The following CCNJL variants were observed in gnomAD, a reference collection of about 807,000 sequenced individuals.
CCNJL encodes the protein cyclin J like, also known as cyclin-J-like protein.
CCNJL carries 33 observed loss-of-function variants against 33.4 expected under a neutral mutation model. The ratio of observed to expected loss-of-function variants is 0.99; its 90% CI spans 0.75 to 1.32. The LOEUF (loss-of-function observed/expected upper bound fraction) is 1.32, where lower values mean the gene tolerates loss of function less well. CCNJL is among the 40% of genes most tolerant of loss of function. The probability of loss-of-function intolerance (pLI) is 0.00; values close to 1 mark genes in which losing one functional copy is unlikely to be tolerated. For synonymous variants in CCNJL, 227 were observed against 220.9 expected (o/e 1.03, Z -0.24); for missense variants, 512 against 499.7 (o/e 1.02, Z -0.23).
intron 2 of CCNJL, among the ~76,000 whole-genome samples, chr5:160,298,509 A>C (rs775034373): frequency 2.0e-5 from 3 of 152,112 alleles, no homozygotes; most frequent in Non-Finnish European, 4.4e-5. Context: ...AGCTGGAGAG[A>C]CCCAGCGCCT....
At chr5:160,315,508 G>GAAAACA (rs1293092175), upstream of CCNJL, 4 of 342,958 alleles carry the variant, frequency 1.2e-5, no homozygotes, top group East Asian at 8.2e-5. Flanking sequence ...CACTGCCTCT[G>GAAAACA]AAAACAAAAA....
chr5:160,280,533 A>C lies in CCNJL; in HGVS notation c.272T>G (p.Leu91Arg). The change falls in exon 3 of 6, where the codon CTG becomes CGG. Residue 91 changes from leucine to arginine, a missense_variant. Physicochemically the swap from Leu to Arg is moderately radical, Grantham distance 102 (BLOSUM62 -2). Coordinates refer to ENST00000257536, the MANE Select transcript of CCNJL (RefSeq NM_001308173.3). ...CGTAGGTTTTCGCTTACTTGCAAGC[A>C]GGAGGCAGGAGACGGCCACGGTGTA... ...QLYTVAVSCL[L>R]LASKFEDRED... 1 of 1,612,534 alleles carries C rather than the reference A, an allele frequency of 6.2e-7. No individual in the cohort carries two copies. The highest frequency in any genetic ancestry group is 1.3e-5 in the African/African-American group (1 of 75,058).
intron 2 of CCNJL, among the ~76,000 whole-genome samples, chr5:160,295,190 A>T (rs1762715394): frequency 6.6e-6 from 1 of 152,232 alleles, no homozygotes; most frequent in Non-Finnish European, 1.5e-5. Context: ...TCAGAATGTG[A>T]CCTTATTTGA....
intron 2 of CCNJL, among the ~76,000 whole-genome samples, chr5:160,282,976 T>TATATAC (rs1762270505): frequency 6.0e-5 from 3 of 49,822 alleles, no homozygotes; most frequent in Non-Finnish European, 1.0e-4. Context: ...AATATATATA[T>TATATAC]ATATATATAT....
At position 160,251,736 on chromosome 5, in the gene CCNJL, C is replaced by T. The variant is rs2113179995; in HGVS notation, c.*1642G>A. 6.6e-6 allele frequency: 1 copy of T among 152,232 alleles called. No homozygotes were observed. Among genetic ancestry groups the T allele is most frequent in the East Asian group, 1.9e-4 (1 of 5,172 alleles). The allele number at this position is 152,232 out of a possible 1,614,324, so 9.4% of individuals were successfully genotyped here. A position where few individuals can be genotyped will look rare whatever the true frequency, so the allele number is the denominator to read the frequency against. ...TGGCTGTGAGGGAACCCTCACAATC[C>T]CCAGGTCCCAGAACAGACAGATACA... On this transcript the variant is annotated 3_prime_UTR_variant, in exon 6 of 6. Transcript: ENST00000257536.
At chr5:160,300,381 C>A (rs1157796697) in intron 2 of CCNJL, among the ~76,000 whole-genome samples, 1 of 152,114 alleles carries the variant, frequency 6.6e-6, no homozygotes, top group African/African-American at 2.4e-5. Context: ...CTCCATGAAG[C>A]CTAGAAAGGA....
chr5:160,279,522 T>TG (rs1762134857), intron 3 of CCNJL, among the ~76,000 whole-genome samples: 1 of 152,154 alleles, frequency 6.6e-6, no homozygotes, highest in Non-Finnish European at 1.5e-5. Flanking sequence ...TTGCTATCCA[T>TG]GGGGGGTGGT....
chr5:160,333,184 A>G (rs778185273), intron 1 of CCNJL, among the ~76,000 whole-genome samples: 4 of 150,388 alleles, frequency 2.7e-5, no homozygotes, highest in Admixed American at 6.7e-5. Context: ...GTGCAGTGGC[A>G]CGCTCTCGGC....
chr5:160,279,897 T>C (rs1336210093), intron 3 of CCNJL, among the ~76,000 whole-genome samples: 1 of 152,126 alleles, frequency 6.6e-6, no homozygotes, highest in East Asian at 1.9e-4. Flanking sequence ...ATCATCCGAG[T>C]AGCAGCGAAT....
At chr5:160,287,489 G>A (rs1048914177) in intron 2 of CCNJL, among the ~76,000 whole-genome samples, 1 of 152,254 alleles carries the variant, frequency 6.6e-6, no homozygotes, top group African/African-American at 2.4e-5. Flanking sequence ...ATGTAGGACT[G>A]CAGCATGCCT....
At chr5:160,338,649 A>G (rs1021608721) in intron 1 of CCNJL, among the ~76,000 whole-genome samples, 1 of 152,206 alleles carries the variant, frequency 6.6e-6, no homozygotes, top group East Asian at 1.9e-4. Context: ...CTATTTGTAT[A>G]AGGGAATGAT....
chr5:160,318,776 T>C (rs1763406389), intron 1 of CCNJL, among the ~76,000 whole-genome samples: 1 of 152,224 alleles, frequency 6.6e-6, no homozygotes, highest in Non-Finnish European at 1.5e-5. Flanking sequence ...GAATGAAATA[T>C]ATATGCATGT....
intron 2 of CCNJL, among the ~76,000 whole-genome samples, chr5:160,282,680 A>C (rs908790710): frequency 3.3e-5 from 5 of 152,016 alleles, no homozygotes; most frequent in Non-Finnish European, 7.4e-5. Flanking sequence ...AAGTATAAAA[A>C]TGACCAACAA....
chr5:160,265,829 G>A (rs1159889170), intron 3 of CCNJL, among the ~76,000 whole-genome samples: 1 of 150,618 alleles, frequency 6.6e-6, no homozygotes, highest in South Asian at 2.1e-4. Context: ...CTCTAGCCTG[G>A]GCGACAGAGC....
At chr5:160,284,314 TG>T (rs1762337864) in intron 2 of CCNJL, among the ~76,000 whole-genome samples, 1 of 152,100 alleles carries the variant, frequency 6.6e-6, no homozygotes, top group South Asian at 2.1e-4. Flanking sequence ...ATTGTGTCAC[TG>T]CACTCTAGCC....
intron 4 of CCNJL, 151 bp from the exon 5 acceptor site, chr5:160,255,859 A>ATTTT: frequency 1.4e-6 from 1 of 690,286 alleles, no homozygotes. Context: ...GTGAAGTTCC[A>ATTTT]TTTTTGAATC....
intron 2 of CCNJL, among the ~76,000 whole-genome samples, chr5:160,283,372 G>A (rs1181267589): frequency 3.3e-5 from 5 of 152,086 alleles, no homozygotes; most frequent in Admixed American, 2.0e-4. Flanking sequence ...ACTGCTAATG[G>A]GTATGGGGTT....
intron 1 of CCNJL, among the ~76,000 whole-genome samples, chr5:160,332,651 C>T (rs891099992): frequency 2.0e-5 from 3 of 152,210 alleles, no homozygotes; most frequent in African/African-American, 7.2e-5. Context: ...ACTTGCCGTT[C>T]TTCCCAGCCC....
intron 1 of CCNJL, among the ~76,000 whole-genome samples, chr5:160,329,919 G>C (rs1253980753): frequency 6.6e-6 from 1 of 152,174 alleles, no homozygotes; most frequent in African/African-American, 2.4e-5. Context: ...CATCACCACT[G>C]TGGTTATGGA....
Sources: gnomAD v4.1 joint callset for allele counts (sites outside exome capture counted in the v4.1 genomes callset) on GRCh38, gnomAD v4.1.1 for gene constraint, MANE v1.5 for transcripts, NCBI Gene and HGNC (gene_info 2026-07-23, HGNC 2026-07-21) for gene names.